Variants in SYNE3 observed in about 807,000 individuals in gnomAD.
SYNE3 encodes nesprin-3.
In SYNE3, 100 loss-of-function variants were observed where a neutral mutation model predicts 111.2. The observed-to-expected ratio is 0.90, with a 90% CI of 0.77 to 1.06. The LOEUF is 1.06. Among genes scored for constraint, SYNE3 ranks in the 50% least tolerant of loss-of-function variants. The pLI is 0.00. For synonymous variants in SYNE3, 547 were observed against 533.9 expected (o/e 1.02, Z -0.34); for missense variants, 1,160 against 1,240.3 (o/e 0.94, Z 0.97).
rs1435956051 is a variant in SYNE3, at chr14:95,439,938, G to A, written c.2049C>T (p.Ala683=). The A allele has an allele frequency of 9.9e-6, 16 of 1,612,886 alleles. No individual in the cohort carries two copies. Among genetic ancestry groups the A allele is most frequent in the South Asian group, 3.3e-5 (3 of 90,942 alleles). ...AHRGEAGPGD[A]ESQEAEFERL... The stretch of plus-strand genomic sequence containing the variant: ...CCTCAAACTCGGCCTCTTGGGACTC[G>A]GCATCCCCCGGGCCCGCCTCTCCCC... The change falls in exon 12 of 18, where the codon GCC becomes GCT. Residue 683 remains alanine, a synonymous_variant. Transcript: ENST00000682763.
At chr14:95,420,919 T>C (rs1566953796) in intron 17 of SYNE3, among the ~76,000 whole-genome samples, 1 of 152,166 alleles carries the variant, frequency 6.6e-6, no homozygotes, top group Non-Finnish European at 1.5e-5. Flanking sequence ...CCATGTGTTA[T>C]GGGAGGGACC....
intron 1 of SYNE3, 29 bp from the exon 2 acceptor site, chr14:95,475,864 C>A (rs1479569807): frequency 1.4e-6 from 2 of 1,451,180 alleles, no homozygotes; most frequent in Non-Finnish European, 1.8e-6. Flanking sequence ...ATAAGGCCAA[C>A]AGGCAGGAAT....
chr14:95,502,795 C>T (rs933713957), intron 1 of SYNE3, among the ~76,000 whole-genome samples: 5 of 152,192 alleles, frequency 3.3e-5, no homozygotes, highest in South Asian at 2.1e-4. Flanking sequence ...GAGCCCTTTC[C>T]GCTAGCCCCG....
chr14:95,444,664 G>T (rs372934775), intron 9 of SYNE3, 36 bp from the exon 10 acceptor site: 20 of 1,531,542 alleles, frequency 1.3e-5, no homozygotes, highest in Non-Finnish European at 1.8e-5. Context: ...CATTAAGAGC[G>T]TTCCTCATGA....
intron 9 of SYNE3, among the ~76,000 whole-genome samples, chr14:95,445,402 G>T (rs1886653291): frequency 6.6e-6 from 1 of 152,206 alleles, no homozygotes; most frequent in Non-Finnish European, 1.5e-5. Flanking sequence ...CTGGCCCATA[G>T]CCAGTGCCCC....
chr14:95,495,079 T>A (rs898401578), intron 1 of SYNE3, among the ~76,000 whole-genome samples: 18 of 146,702 alleles, frequency 1.2e-4, no homozygotes, highest in Non-Finnish European at 2.2e-4. Context: ...GCCATTGCAC[T>A]CCAGCCTGGG....
chr14:95,469,905 G>C (rs1273989875), intron 2 of SYNE3, among the ~76,000 whole-genome samples: 4 of 152,098 alleles, frequency 2.6e-5, no homozygotes, highest in Non-Finnish European at 4.4e-5. Context: ...TGACGATGAT[G>C]ATAATAGTAT....
intron 1 of SYNE3, among the ~76,000 whole-genome samples, chr14:95,479,550 T>C (rs2139526325): frequency 6.6e-6 from 1 of 152,200 alleles, no homozygotes; most frequent in South Asian, 2.1e-4. Context: ...GGTTACCAGC[T>C]GATAGACTAA....
At chr14:95,477,516 G>GT (rs1888960613) in intron 1 of SYNE3, among the ~76,000 whole-genome samples, 1 of 152,164 alleles carries the variant, frequency 6.6e-6, no homozygotes, top group South Asian at 2.1e-4. Context: ...TCATCAGTTA[G>GT]TAAGTATCTA....
chr14:95,471,647 C>T (rs1485043105), intron 2 of SYNE3, among the ~76,000 whole-genome samples: 3 of 152,246 alleles, frequency 2.0e-5, no homozygotes, highest in Non-Finnish European at 1.5e-5. Flanking sequence ...GTAGATTCCA[C>T]TCTTTTTCAC....
intron 14 of SYNE3, chr14:95,438,791 G>GTGGTCGCCGTATCATTAAAAA: frequency 2.1e-6 from 1 of 479,714 alleles, no homozygotes; most frequent in Non-Finnish European, 3.8e-6. Context: ...CTGGCTAAGG[G>GTGGTCGCCGTATCATTAAAAA]ATACCCCTAC....
Position 95,407,799 on chromosome 14 carries a change from A to ACACC in SYNE3, c.*10026_*10027insGGTG, listed in dbSNP as rs1316579602. ...CAGACACACACACACACACACACAC[A>ACACC]CCCCATGCCATTGCTTGGTCCACAC... is the stretch of plus-strand genomic sequence containing the variant. On this transcript the variant is annotated 3_prime_UTR_variant, in exon 18 of 18. Coordinates refer to ENST00000682763, the MANE Select transcript of SYNE3 (RefSeq NM_152592.6). The ACACC allele has an allele frequency of 9.9e-5, 15 of 150,986 alleles. No individual in the cohort carries two copies. The highest frequency in any genetic ancestry group is 3.7e-4 in the African/African-American group (15 of 41,074). 9.4% of individuals were successfully genotyped at this position (150,986 alleles called of 1,614,324 possible). A position where few individuals can be genotyped will look rare whatever the true frequency, so the allele number is the denominator to read the frequency against.
intron 17 of SYNE3, among the ~76,000 whole-genome samples, chr14:95,418,250 G>A (rs998890258): frequency 2.0e-5 from 3 of 152,216 alleles, no homozygotes; most frequent in African/African-American, 7.2e-5. Context: ...AGGAAGAATA[G>A]AAAACACAGT....
At chr14:95,442,557 T>G (rs1886467591) in intron 11 of SYNE3, among the ~76,000 whole-genome samples, 1 of 152,220 alleles carries the variant, frequency 6.6e-6, no homozygotes, top group Non-Finnish European at 1.5e-5. Flanking sequence ...GGACTCCATC[T>G]GAATCAGTGT....
At chr14:95,460,137 C>T (rs745440952) in intron 4 of SYNE3, among the ~76,000 whole-genome samples, 7 of 152,160 alleles carry the variant, frequency 4.6e-5, no homozygotes, top group South Asian at 2.1e-4. Flanking sequence ...TTGTTGAGCA[C>T]TCCAACTGGG....
intron 1 of SYNE3, among the ~76,000 whole-genome samples, chr14:95,497,947 G>T (rs1157918220): frequency 2.0e-5 from 3 of 150,782 alleles, no homozygotes; most frequent in Non-Finnish European, 4.4e-5. Context: ...CTTGAGCCCA[G>T]AATCCAAGGC....
Position 95,449,911 on chromosome 14 carries a change from G to T in SYNE3, c.1449+20C>A. ...CAGTGGCCCACCCCAGCCCCACCCA[G>T]TTGGCAGGACCACGGTTACCTCGAT... On this transcript the variant is annotated intron_variant, in intron 8 of 17. Coordinates refer to ENST00000682763, the MANE Select transcript of SYNE3 (RefSeq NM_152592.6). 6.7e-7 allele frequency: 1 copy of T among 1,487,118 alleles called. No individual in the cohort carries two copies. The highest frequency in any genetic ancestry group is 9.1e-7 in the Non-Finnish European group (1 of 1,104,674). 92.1% of individuals were successfully genotyped at this position (1,487,118 alleles called of 1,614,324 possible). A position where few individuals can be genotyped will look rare whatever the true frequency, so the allele number is the denominator to read the frequency against.
At chr14:95,473,065 C>T (rs1888631408) in intron 2 of SYNE3, among the ~76,000 whole-genome samples, 1 of 152,216 alleles carries the variant, frequency 6.6e-6, no homozygotes, top group African/African-American at 2.4e-5. Flanking sequence ...GCTGCCCCCT[C>T]TTACCAGCTG....
At chr14:95,431,789 A>G (rs1390061374) in intron 17 of SYNE3, among the ~76,000 whole-genome samples, 1 of 152,188 alleles carries the variant, frequency 6.6e-6, no homozygotes, top group Non-Finnish European at 1.5e-5. Context: ...TCCACTCCCC[A>G]GCGTGTCCTG....
Sources: allele counts gnomAD v4.1 joint callset (sites outside exome capture counted in the v4.1 genomes callset), GRCh38; gene constraint gnomAD v4.1.1; transcripts MANE v1.5; gene names NCBI Gene and HGNC (gene_info 2026-07-23, HGNC 2026-07-21).